The following PCDHGB4 variants were observed in gnomAD, a reference collection of about 807,000 sequenced individuals.
PCDHGB4 encodes protocadherin gamma-B4.
PCDHGB4 carries 38 observed loss-of-function variants against 60.5 expected under a neutral mutation model. The observed-to-expected ratio is 0.63, with a 90% confidence interval of 0.48 to 0.82. PCDHGB4 has a LOEUF of 0.82. Among genes scored for constraint, PCDHGB4 ranks in the 40% least tolerant of loss-of-function variants. PCDHGB4 has a pLI of 0.00. For synonymous variants in PCDHGB4, 456 were observed against 509.7 expected, an observed-to-expected ratio of 0.89 and a Z score of 1.42; for missense variants, 1,109 against 1,209.6, an observed-to-expected ratio of 0.92 and a Z score of 1.23.
At chr5:141,405,029 C>A (rs565871444) in intron 1 of PCDHGB4, 1 of 1,613,976 alleles carries the variant, frequency 6.2e-7, no homozygotes, top group South Asian at 1.1e-5. Context: ...TACCCTCTAC[C>A]TCGTTGTGGC....
intron 1 of PCDHGB4, chr5:141,433,126 G>A (rs1390613447): frequency 1.9e-6 from 3 of 1,614,120 alleles, no homozygotes; most frequent in Middle Eastern, 1.7e-4. Flanking sequence ...AAAAAAGCGA[G>A]CCCCTTTTGC....
At chr5:141,419,354 C>T in intron 1 of PCDHGB4, 3 of 1,613,828 alleles carry the variant, frequency 1.9e-6, no homozygotes, top group Non-Finnish European at 1.7e-6. Flanking sequence ...CCTGGAGTCA[C>T]GAACGCTGTC....
intron 1 of PCDHGB4, chr5:141,403,656 C>G: frequency 6.2e-7 from 1 of 1,613,894 alleles, no homozygotes. Flanking sequence ...GTGTTGGATA[C>G]AAATGATAAT....
At position 141,486,392 on chromosome 5, in the gene PCDHGB4, C is replaced by T; in HGVS notation, c.2398-8415C>T. ...GTCTGCCTTCAGGAACCAGTTCTCC[C>T]TGGTGACTGCTGGACCCTTGGATCG... On this transcript the variant is annotated intron_variant, in intron 1 of 3. Coordinates refer to ENST00000519479, the MANE Select transcript of PCDHGB4 (RefSeq NM_003736.4). The surrounding 1 kb of genome is among the most constrained non-coding windows in gnomAD (Gnocchi z 5.0). 1 of 1,614,170 alleles carries T rather than the reference C, an allele frequency of 6.2e-7. No individual in the cohort carries two copies. Among genetic ancestry groups the T allele is most frequent in the Non-Finnish European group, 8.5e-7 (1 of 1,180,014 alleles).
At chr5:141,427,056 T>C (rs1472513807) in intron 1 of PCDHGB4, 1 of 457,676 alleles carries the variant, frequency 2.2e-6, no homozygotes, top group Non-Finnish European at 4.4e-6. Flanking sequence ...CCCAGGCACC[T>C]CTGTACTAAA....
At chr5:141,400,609 A>G (rs376731583) in intron 1 of PCDHGB4, 129 of 1,577,604 alleles carry the variant, frequency 8.2e-5, no homozygotes, top group South Asian at 3.2e-4. Flanking sequence ...TTCAAGTCCA[A>G]TGAGTTGTCT....
chr5:141,461,355 G>A (rs993200082), intron 1 of PCDHGB4, among the ~76,000 whole-genome samples: 3 of 152,022 alleles, frequency 2.0e-5, no homozygotes, highest in Non-Finnish European at 2.9e-5. Flanking sequence ...GTGGTAGCTC[G>A]TTGTGGTTTT....
intron 3 of PCDHGB4, among the ~76,000 whole-genome samples, chr5:141,505,969 A>G (rs1454691041): frequency 1.3e-5 from 2 of 152,142 alleles, no homozygotes; most frequent in Non-Finnish European, 2.9e-5. Context: ...AGAAATCCCC[A>G]GCCGAGAGAA....
At position 141,511,424 on chromosome 5, in the gene PCDHGB4, G is replaced by A. The variant is rs939906846; in HGVS notation, c.*251G>A. 10 of 810,392 alleles carry A rather than the reference G, an allele frequency of 1.2e-5. No homozygotes were observed. Among genetic ancestry groups the A allele is most frequent in the East Asian group, 3.0e-5 (1 of 33,800 alleles). The allele number at this position is 810,392 out of a possible 1,614,324, so 50.2% of individuals were successfully genotyped here. On this transcript the variant is annotated 3_prime_UTR_variant, in exon 4 of 4. Transcript: ENST00000519479. The stretch of plus-strand genomic sequence containing the variant: ...ATCAACTGCTGTACCCATGGGGGTA[G>A]TGGGGTTACTGTAGACACCAAGAAC...
At chr5:141,478,785 A>C in intron 1 of PCDHGB4, 1 of 1,482,486 alleles carries the variant, frequency 6.7e-7, no homozygotes, top group Non-Finnish European at 9.0e-7. Flanking sequence ...GACCTAATTC[A>C]CATCCTCAGC....
intron 3 of PCDHGB4, among the ~76,000 whole-genome samples, chr5:141,506,454 A>G (rs2099853946): frequency 6.6e-6 from 1 of 151,844 alleles, no homozygotes; most frequent in African/African-American, 2.4e-5. Context: ...CAAAAAAAAA[A>G]AAAAAAAAAA....
At chr5:141,421,211 T>A (rs866635411) in intron 1 of PCDHGB4, 8 of 1,541,100 alleles carry the variant, frequency 5.2e-6, no homozygotes. Flanking sequence ...CCGCGGAATA[T>A]CGGCTTAGAG....
At chr5:141,473,779 T>C (rs2099328680) in intron 1 of PCDHGB4, among the ~76,000 whole-genome samples, 1 of 152,204 alleles carries the variant, frequency 6.6e-6, no homozygotes, top group Non-Finnish European at 1.5e-5. Context: ...GGTATTTTAA[T>C]TCAAGAGCAG....
intron 1 of PCDHGB4, chr5:141,409,037 T>A: frequency 3.7e-6 from 6 of 1,613,992 alleles, no homozygotes; most frequent in Non-Finnish European, 5.1e-6. Context: ...TGAGATAAAC[T>A]ACTACTTCCG....
intron 1 of PCDHGB4, among the ~76,000 whole-genome samples, chr5:141,488,661 G>T (rs573211567): frequency 6.6e-6 from 1 of 152,246 alleles, no homozygotes; most frequent in African/African-American, 2.4e-5. Context: ...GGAGGGTGGG[G>T]GAATACATGG....
intron 1 of PCDHGB4, among the ~76,000 whole-genome samples, chr5:141,460,536 G>A (rs911670681): frequency 2.0e-5 from 3 of 152,092 alleles, no homozygotes; most frequent in African/African-American, 7.2e-5. Flanking sequence ...AATAATCTTA[G>A]CACCTTAATC....
intron 1 of PCDHGB4, chr5:141,414,112 T>C (rs967826724): frequency 1.3e-6 from 2 of 1,592,428 alleles, no homozygotes; most frequent in African/African-American, 2.7e-5. Context: ...AAATCTAGAT[T>C]ATGAAGAAAC....
At chr5:141,480,935 C>G (rs1297213622) in intron 1 of PCDHGB4, among the ~76,000 whole-genome samples, 1 of 152,092 alleles carries the variant, frequency 6.6e-6, no homozygotes, top group Non-Finnish European at 1.5e-5. Flanking sequence ...GTCCCAGCTA[C>G]TCTAGAGGCT....
rs1179408656 is a variant in PCDHGB4, at chr5:141,395,537, A to ATTGT, written c.2397+5261_2397+5264dup. 1,010 of 243,944 alleles carry ATTGT rather than the reference A, an allele frequency of 4.1e-3. 17 individuals are homozygous for ATTGT. In the African/African-American group the frequency reaches 0.049, roughly 12 times the overall value. The allele number at this position is 243,944 out of a possible 1,614,324, so 15.1% of individuals were successfully genotyped here. On this transcript the variant is annotated intron_variant, in intron 1 of 3. Coordinates refer to ENST00000519479, the MANE Select transcript of PCDHGB4 (RefSeq NM_003736.4). ...ACCCGTCCATACTGGTAATTTTGCT[A>ATTGT]TTGTTTGTGTGTGTGTGTGTGTGTG... is the stretch of plus-strand genomic sequence containing the variant.
Sources: gnomAD v4.1 joint callset for allele counts (sites outside exome capture counted in the v4.1 genomes callset) on GRCh38, gnomAD v4.1.1 for gene constraint, Gnocchi (gnomAD v3.1) non-coding constraint, MANE v1.5 for transcripts, NCBI Gene and HGNC (gene_info 2026-07-23, HGNC 2026-07-21) for gene names.